CCDC60: variants seen among roughly 807,000 people sequenced by gnomAD.
The protein encoded by CCDC60 is coiled-coil domain containing 60.
CCDC60 carries 54 observed loss-of-function variants against 63.5 expected under a neutral mutation model. That is an observed-to-expected ratio of 0.85 (90% confidence interval 0.68 to 1.07). The LOEUF is 1.07. Ranked by LOEUF, CCDC60 falls within the 50% of genes least tolerant of loss-of-function variation. The pLI is 0.00. For missense variants in CCDC60, 651 were observed against 684.3 expected, an observed-to-expected ratio of 0.95 and a Z score of 0.54; for synonymous variants, 206 against 238.8, an observed-to-expected ratio of 0.86 and a Z score of 1.27.
chr12:119,443,647 G>A (rs1232322631), intron 2 of CCDC60, among the ~76,000 whole-genome samples: 1 of 152,152 alleles, frequency 6.6e-6, no homozygotes, highest in South Asian at 2.1e-4. Context: ...ATTTCAACAG[G>A]TATTAATTTC....
At chr12:119,436,321 C>T (rs950914283) in intron 2 of CCDC60, among the ~76,000 whole-genome samples, 8 of 152,026 alleles carry the variant, frequency 5.3e-5, no homozygotes, top group African/African-American at 1.9e-4. Flanking sequence ...GAAAGCACAT[C>T]ATTTAAGCAG....
intron 1 of CCDC60, among the ~76,000 whole-genome samples, chr12:119,397,691 C>T (rs766156422): frequency 2.2e-5 from 3 of 135,256 alleles, no homozygotes; most frequent in Admixed American, 1.6e-4. Flanking sequence ...GTGGAGTTGC[C>T]GGCCAGTCCC....
At chr12:119,481,422 A>G (rs931675540) in intron 4 of CCDC60, among the ~76,000 whole-genome samples, 1 of 152,028 alleles carries the variant, frequency 6.6e-6, no homozygotes, top group African/African-American at 2.4e-5. Context: ...CAGGGAGGAA[A>G]TGTTTCTGAG....
rs1566019656 is a variant in CCDC60, at chr12:119,456,063, GC to G, written c.171-15930del. On this transcript the variant is annotated intron_variant, in intron 2 of 13. Transcript: ENST00000327554. This position sits in a 1 kb window ranked among gnomAD's most constrained non-coding sequence, Gnocchi z 4.6. ...AGAAAGAAAGAAAGAAAGAAAGAAA[GC>G]AAGCAAGCATGTGCAATTTCAAGGG... is the stretch of plus-strand genomic sequence containing the variant. 0.022 allele frequency among the ~76,000 whole-genome samples: 1,831 copies of G among 83,764 alleles called. 136 individuals are homozygous for G. The highest frequency in any genetic ancestry group is 0.046 in the African/African-American group (893 of 19,534). The allele number at this position is 83,764 out of a possible 152,430, so 55.0% of individuals were successfully genotyped here. A position where few individuals can be genotyped will look rare whatever the true frequency, so the allele number is the denominator to read the frequency against.
At chr12:119,445,538 A>C (rs1375278445) in intron 2 of CCDC60, among the ~76,000 whole-genome samples, 1 of 150,488 alleles carries the variant, frequency 6.6e-6, no homozygotes, top group East Asian at 2.0e-4. Context: ...CAGGCTGCAA[A>C]GTGTTGAGAA....
At chr12:119,356,398 T>C (rs11615559) in intron 1 of CCDC60, among the ~76,000 whole-genome samples, 11,945 of 152,304 alleles carry the variant, frequency 0.078, 614 homozygotes, top group Non-Finnish European at 0.11. Flanking sequence ...TTCATATTCA[T>C]TCATTCACTC....
chr12:119,486,930 G>T (rs1257749053), intron 4 of CCDC60, among the ~76,000 whole-genome samples: 1 of 152,116 alleles, frequency 6.6e-6, no homozygotes, highest in African/African-American at 2.4e-5. Context: ...GCAGGATGCA[G>T]TTTCAGAGAA....
chr12:119,450,723 T>C (rs1030251338), intron 2 of CCDC60, among the ~76,000 whole-genome samples: 1 of 152,062 alleles, frequency 6.6e-6, no homozygotes, highest in African/African-American at 2.4e-5. Context: ...TAGGCTTTGG[T>C]GGTGCGTGCC....
At chr12:119,453,942 A>T (rs923712266) in intron 2 of CCDC60, among the ~76,000 whole-genome samples, 1 of 152,184 alleles carries the variant, frequency 6.6e-6, no homozygotes, top group Non-Finnish European at 1.5e-5. Flanking sequence ...AGAAGAAAAA[A>T]ATGATAATGT....
At chr12:119,476,031 A>T (rs1295653152) in intron 3 of CCDC60, among the ~76,000 whole-genome samples, 1 of 152,234 alleles carries the variant, frequency 6.6e-6, no homozygotes, top group African/African-American at 2.4e-5. Context: ...CTTTTTAAAC[A>T]AAGTATTTGA....
At chr12:119,417,808 C>T (rs1364083113) in intron 1 of CCDC60, among the ~76,000 whole-genome samples, 5 of 152,348 alleles carry the variant, frequency 3.3e-5, no homozygotes, top group Middle Eastern at 3.4e-3. Flanking sequence ...GGCATGGGTC[C>T]TACCTTTGTT....
chr12:119,346,070 C>T (rs118072026), intron 1 of CCDC60, among the ~76,000 whole-genome samples: 10,867 of 150,278 alleles, frequency 0.072, 457 homozygotes, highest in African/African-American at 0.097. Flanking sequence ...AGAGATCTAC[C>T]CACCTCGGCC....
intron 1 of CCDC60, among the ~76,000 whole-genome samples, chr12:119,416,978 G>A (rs925185735): frequency 3.3e-5 from 5 of 152,134 alleles, no homozygotes; most frequent in Admixed American, 1.3e-4. Context: ...AAAATTATTC[G>A]GGCATGGTGG....
intron 2 of CCDC60, among the ~76,000 whole-genome samples, chr12:119,432,922 T>C (rs982472897): frequency 3.3e-5 from 5 of 152,342 alleles, no homozygotes; most frequent in Non-Finnish European, 7.3e-5. Context: ...ACCTTCCTAA[T>C]TGTTTTATAC....
intron 1 of CCDC60, among the ~76,000 whole-genome samples, chr12:119,353,015 T>C (rs1178267226): frequency 6.6e-6 from 1 of 152,138 alleles, no homozygotes; most frequent in Admixed American, 6.6e-5. Context: ...TTATGAGCCC[T>C]CCTTGCTACC....
chr12:119,410,803 C>T lies in CCDC60; in HGVS notation c.91-17880C>T, dbSNP rs577173581. Among the ~76,000 whole-genome samples, 5 of 152,282 alleles carry T rather than the reference C, an allele frequency of 3.3e-5. No homozygotes were observed. Among genetic ancestry groups the T allele is most frequent in the African/African-American group, 9.6e-5 (4 of 41,562 alleles). ...TGTCACTCGGGCTGCAGTGCGGTGG[C>T]GCGATCTCAGCTCACTGCAGCCTCT... On this transcript the variant is annotated intron_variant, in intron 1 of 13. Transcript: ENST00000327554. This position sits in a 1 kb window ranked among gnomAD's most constrained non-coding sequence, Gnocchi z 4.0.
chr12:119,404,227 T>C (rs566901798), intron 1 of CCDC60, among the ~76,000 whole-genome samples: 2 of 152,300 alleles, frequency 1.3e-5, no homozygotes, highest in Admixed American at 1.3e-4. Flanking sequence ...GAGGCTGAGA[T>C]TGCAGTGAGC....
At chr12:119,344,199 T>G (rs1955562801) in intron 1 of CCDC60, among the ~76,000 whole-genome samples, 1 of 152,108 alleles carries the variant, frequency 6.6e-6, no homozygotes, top group Non-Finnish European at 1.5e-5. Flanking sequence ...AGATGACAGT[T>G]GCAGCCTCCC....
chr12:119,529,550 C>G (rs1183494820), intron 12 of CCDC60, among the ~76,000 whole-genome samples: 2 of 152,024 alleles, frequency 1.3e-5, no homozygotes, highest in Non-Finnish European at 2.9e-5. Context: ...AAAAATGTAC[C>G]CAGAATCCCT....
Sources: allele counts gnomAD v4.1 joint callset (sites outside exome capture counted in the v4.1 genomes callset), GRCh38; gene constraint gnomAD v4.1.1; non-coding constraint Gnocchi (gnomAD v3.1); transcripts MANE v1.5; gene names NCBI Gene and HGNC (gene_info 2026-07-23, HGNC 2026-07-21).